Variants in PEAK1 observed in about 807,000 individuals in gnomAD.
PEAK1 encodes the protein inactive tyrosine-protein kinase PEAK1.
In PEAK1, 54 loss-of-function variants were observed where a neutral mutation model predicts 124.7. That is an observed-to-expected ratio of 0.43 (90% CI 0.35 to 0.54). PEAK1 has a LOEUF of 0.54. PEAK1 is among the 20% of genes least tolerant of loss of function. The pLI, the probability that PEAK1 is intolerant of heterozygous loss-of-function variation, is 0.01. For missense variants in PEAK1, 2,046 were observed against 2,134.5 expected (o/e 0.96, Z 0.82); for synonymous variants, 719 against 760.0 (o/e 0.95, Z 0.89).
At chr15:77,414,604 T>C (rs1020706459) in intron 1 of PEAK1, among the ~76,000 whole-genome samples, 2 of 152,196 alleles carry the variant, frequency 1.3e-5, no homozygotes, top group African/African-American at 4.8e-5. Context: ...TTCCATCACT[T>C]GACAGGGTGT....
At chr15:77,142,631 G>C (rs796445857) in intron 8 of PEAK1, among the ~76,000 whole-genome samples, 3 of 152,208 alleles carry the variant, frequency 2.0e-5, no homozygotes, top group African/African-American at 7.2e-5. Flanking sequence ...TCAGGCATAA[G>C]AGGAGTGAAG....
intron 2 of PEAK1, chr15:77,347,727 C>A: frequency 1.0e-6 from 1 of 973,668 alleles, no homozygotes; most frequent in Non-Finnish European, 1.2e-6. Flanking sequence ...GTTTAAAACT[C>A]TTCCTAGGTT....
At chr15:77,161,212 A>G (rs2055609110) in intron 7 of PEAK1, among the ~76,000 whole-genome samples, 1 of 152,244 alleles carries the variant, frequency 6.6e-6, no homozygotes, top group Admixed American at 6.5e-5. Context: ...TAAACCATAG[A>G]TTCCACTGAG....
chr15:77,295,262 GTCT>G (rs763425819), intron 2 of PEAK1, among the ~76,000 whole-genome samples: 1 of 151,268 alleles, frequency 6.6e-6, no homozygotes. Flanking sequence ...AGCTGTGTAG[GTCT>G]TCATTTATAA....
Position 77,293,579 on chromosome 15 carries a change from C to G in PEAK1, c.-602-7075G>C, listed in dbSNP as rs145938948. ...TCTTTGAAGCCCCTCCAACGCTGGCCACGTTAGTCAGTCTTCCATGTGCTT... is the reference window on the plus strand; with the variant it reads ...TCTTTGAAGCCCCTCCAACGCTGGCGACGTTAGTCAGTCTTCCATGTGCTT... On this transcript the variant is annotated intron_variant, in intron 2 of 9. Coordinates refer to ENST00000682557, the MANE Select transcript of PEAK1 (RefSeq NM_001385026.1). Among the ~76,000 whole-genome samples, 366 of 152,326 alleles carry G rather than the reference C, an allele frequency of 2.4e-3. 2 individuals are homozygous for G. Among genetic ancestry groups the G allele is most frequent in the African/African-American group, 8.2e-3 (339 of 41,562 alleles).
intron 9 of PEAK1, among the ~76,000 whole-genome samples, chr15:77,123,521 C>T (rs772752955): frequency 1.3e-4 from 20 of 152,046 alleles, no homozygotes; most frequent in Admixed American, 6.6e-4. Context: ...AGATGGTGTC[C>T]CCATGCAGAA....
chr15:77,405,399 T>G (rs889767362), intron 1 of PEAK1, among the ~76,000 whole-genome samples: 3 of 152,210 alleles, frequency 2.0e-5, no homozygotes, highest in Non-Finnish European at 2.9e-5. Context: ...GATGGTAGCA[T>G]GACAGATTTT....
intron 8 of PEAK1, chr15:77,157,598 G>A (rs2055267724): frequency 6.6e-6 from 1 of 152,232 alleles, no homozygotes; most frequent in Admixed American, 6.5e-5. Context: ...CTGAGAGATG[G>A]TCCATCAGCC....
At chr15:77,134,693 A>C (rs1198801035) in intron 8 of PEAK1, among the ~76,000 whole-genome samples, 11 of 152,324 alleles carry the variant, frequency 7.2e-5, no homozygotes, top group African/African-American at 2.6e-4. Flanking sequence ...TGAAACTTCT[A>C]TAAAGGCTAT....
At chr15:77,344,751 A>G (rs1221875926) in intron 2 of PEAK1, among the ~76,000 whole-genome samples, 2 of 152,144 alleles carry the variant, frequency 1.3e-5, no homozygotes, top group Non-Finnish European at 2.9e-5. Flanking sequence ...TGTACTTTTC[A>G]GTGTTCAGGT....
At chr15:77,249,567 G>A (rs1356114896) in intron 6 of PEAK1, among the ~76,000 whole-genome samples, 1 of 152,088 alleles carries the variant, frequency 6.6e-6, no homozygotes, top group Non-Finnish European at 1.5e-5. Flanking sequence ...AGCTTGGATG[G>A]GGCCAGAAAA....
intron 6 of PEAK1, among the ~76,000 whole-genome samples, chr15:77,243,973 T>C (rs964028607): frequency 1.8e-5 from 2 of 110,596 alleles, no homozygotes; most frequent in African/African-American, 6.7e-5. Context: ...TTTCTCAAAA[T>C]AAAAAAAAAA....
At chr15:77,298,404 G>C (rs796543953) in intron 2 of PEAK1, among the ~76,000 whole-genome samples, 8 of 150,818 alleles carry the variant, frequency 5.3e-5, no homozygotes, top group African/African-American at 1.9e-4. Context: ...ATTTTTAGTA[G>C]AGACGGGGTT....
intron 1 of PEAK1, chr15:77,371,537 C>T (rs202025217): frequency 3.4e-4 from 128 of 375,920 alleles, no homozygotes; most frequent in Middle Eastern, 2.8e-3. Context: ...ACCACCACCA[C>T]CATCATCATC....
At chr15:77,289,960 T>C (rs1238031532) in intron 2 of PEAK1, among the ~76,000 whole-genome samples, 1 of 152,060 alleles carries the variant, frequency 6.6e-6, no homozygotes, top group Non-Finnish European at 1.5e-5. Context: ...GAGAAAAAGA[T>C]GCTGTTATAA....
intron 6 of PEAK1, among the ~76,000 whole-genome samples, chr15:77,187,398 G>A (rs1200207497): frequency 6.6e-6 from 1 of 151,844 alleles, no homozygotes; most frequent in African/African-American, 2.4e-5. Flanking sequence ...TAGTCCAACA[G>A]TTTCAGGCAG....
intron 6 of PEAK1, among the ~76,000 whole-genome samples, chr15:77,210,841 A>G (rs1175818916): frequency 6.6e-6 from 1 of 152,188 alleles, no homozygotes; most frequent in Non-Finnish European, 1.5e-5. Flanking sequence ...GGCTGCACCA[A>G]TGCATTCTGG....
At chr15:77,243,492 T>C (rs1200652161) in intron 6 of PEAK1, among the ~76,000 whole-genome samples, 1 of 152,232 alleles carries the variant, frequency 6.6e-6, no homozygotes, top group Non-Finnish European at 1.5e-5. Context: ...TCAATGATTT[T>C]CTTAATCAGT....
At chr15:77,143,874 A>G (rs752359089) in intron 8 of PEAK1, among the ~76,000 whole-genome samples, 1 of 152,220 alleles carries the variant, frequency 6.6e-6, no homozygotes, top group Non-Finnish European at 1.5e-5. Flanking sequence ...CAAGCAAAGA[A>G]TCTGGGCTGA....
Sources: gnomAD v4.1 joint callset for allele counts (sites outside exome capture counted in the v4.1 genomes callset) on GRCh38, gnomAD v4.1.1 for gene constraint, MANE v1.5 for transcripts, NCBI Gene and HGNC (gene_info 2026-07-23, HGNC 2026-07-21) for gene names.